NDST1: variants seen among roughly 807,000 people sequenced by gnomAD.
The protein encoded by NDST1 is N-deacetylase and N-sulfotransferase 1.
NDST1 carries 35 observed loss-of-function variants against 92.8 expected under a neutral mutation model. That is an observed-to-expected ratio of 0.38 (90% CI 0.29 to 0.50). The LOEUF is 0.50. Ranked by LOEUF, NDST1 falls within the 20% of genes least tolerant of loss-of-function variation. The probability of loss-of-function intolerance (pLI) is 0.94; values close to 1 mark genes in which losing one functional copy is unlikely to be tolerated. For synonymous variants in NDST1, 493 were observed against 500.3 expected, an observed-to-expected ratio of 0.99 and a Z score of 0.19; for missense variants, 822 against 1,182.7, an observed-to-expected ratio of 0.69 and a Z score of 4.47.
In NDST1 at chr5:150,554,364, G is replaced by GTA. The variant is rs927602216; in HGVS notation, c.*1044_*1045dup. 101 of 149,978 alleles carry GTA rather than the reference G, an allele frequency of 6.7e-4. 4 individuals carry two copies. In the South Asian group the frequency reaches 0.017, roughly 26 times the overall value. 9.3% of individuals were successfully genotyped at this position (149,978 alleles called of 1,614,324 possible). On this transcript the variant is annotated 3_prime_UTR_variant, in exon 15 of 15. Coordinates refer to ENST00000261797, the MANE Select transcript of NDST1 (RefSeq NM_001543.5). ...ATATATATATATATATATATAATGT[G>GTA]TATATATATATATTCTATTTTTTTT...
At chr5:150,503,711 C>T (rs563355483), upstream of NDST1, among the ~76,000 whole-genome samples, 10 of 152,268 alleles carry the variant, frequency 6.6e-5, no homozygotes, top group East Asian at 3.9e-4. Flanking sequence ...GTGAGAGCTG[C>T]GGGCCGGCCC....
Position 150,553,916 on chromosome 5 carries a change from C to T in NDST1, c.*584C>T, listed in dbSNP as rs1755816592. The T allele has an allele frequency of 2.4e-6, 1 of 425,264 alleles. No homozygotes were observed. The highest frequency in any genetic ancestry group is 2.0e-5 in the African/African-American group (1 of 50,178). The allele number at this position is 425,264 out of a possible 1,614,324, so 26.3% of individuals were successfully genotyped here. On this transcript the variant is annotated 3_prime_UTR_variant, in exon 15 of 15. Coordinates refer to ENST00000261797, the MANE Select transcript of NDST1 (RefSeq NM_001543.5). This position sits in a 1 kb window ranked among gnomAD's most constrained non-coding sequence, Gnocchi z 4.2. Reference sequence around the variant, plus strand: ...TACCTTCACATCTCACCCTCCCGTTCTGGGGAAGAATTTCTGGTTCCTACA... The same window carrying T: ...TACCTTCACATCTCACCCTCCCGTTTTGGGGAAGAATTTCTGGTTCCTACA...
intron 1 of NDST1, among the ~76,000 whole-genome samples, chr5:150,508,954 G>A (rs12654214): frequency 0.041 from 6,212 of 152,182 alleles, 436 homozygotes; most frequent in Admixed American, 0.17. Context: ...ACTCACAGGC[G>A]GCAATGGAGG....
intron 5 of NDST1, 81 bp from the exon 6 acceptor site, chr5:150,535,619 T>C (rs564985468): frequency 2.6e-6 from 4 of 1,529,176 alleles, no homozygotes; most frequent in East Asian, 4.5e-5. Flanking sequence ...CTGATTTCTC[T>C]CTCCCATTCT....
chr5:150,549,921 C>G, intron 13 of NDST1, 134 bp downstream of exon 13: 1 of 701,482 alleles, frequency 1.4e-6, no homozygotes, highest in Non-Finnish European at 2.6e-6. Context: ...ATTAATATGA[C>G]TTAAGTCATA....
intron 3 of NDST1, among the ~76,000 whole-genome samples, chr5:150,530,978 A>G (rs1205326763): frequency 6.6e-6 from 1 of 152,146 alleles, no homozygotes; most frequent in Non-Finnish European, 1.5e-5. Context: ...ACCCTCTTTC[A>G]CACACTCAGC....
rs574913755 is a variant in NDST1 at position 150,524,467 on chromosome 5, T to C, written c.513+2700T>C. Among the ~76,000 whole-genome samples the C allele has an allele frequency of 1.0e-3, 157 of 152,364 alleles. 1 individual carries two copies. The highest frequency in any genetic ancestry group is 3.7e-3 in the African/African-American group (152 of 41,594). The stretch of plus-strand genomic sequence containing the variant: ...CGTGCCTCAACCTTGAAATTCCAGG[T>C]GACCTGGGGCTAAACACACCCTGGC... On this transcript the variant is annotated intron_variant, in intron 2 of 14. Coordinates refer to ENST00000261797, the MANE Select transcript of NDST1 (RefSeq NM_001543.5).
chr5:150,553,946 C>A lies in NDST1; in HGVS notation c.*614C>A. The A allele has an allele frequency of 2.4e-6, 1 of 417,352 alleles. No homozygotes were observed. 25.9% of individuals were successfully genotyped at this position (417,352 alleles called of 1,614,324 possible). Reference sequence around the variant, plus strand: ...GAAGAATTTCTGGTTCCTACAGTATCCACTCCATCCTCAAGGCTTCCCGCA... The same window carrying A: ...GAAGAATTTCTGGTTCCTACAGTATACACTCCATCCTCAAGGCTTCCCGCA... On this transcript the variant is annotated 3_prime_UTR_variant, in exon 15 of 15. Coordinates refer to ENST00000261797, the MANE Select transcript of NDST1 (RefSeq NM_001543.5). The surrounding 1 kb of genome is among the most constrained non-coding windows in gnomAD (Gnocchi z 4.2).
chr5:150,536,087 T>G (rs1275998468), intron 6 of NDST1, among the ~76,000 whole-genome samples: 1 of 152,256 alleles, frequency 6.6e-6, no homozygotes, highest in African/African-American at 2.4e-5. Context: ...ATGAGCTCTT[T>G]CTTAGCTTTT....
Position 150,540,094 on chromosome 5 carries a change from A to G in NDST1, c.1579A>G (p.Met527Val). The change falls in exon 8 of 15, where the codon ATG becomes GTG. Residue 527 changes from methionine to valine, a missense_variant. Coordinates refer to ENST00000261797, the MANE Select transcript of NDST1 (RefSeq NM_001543.5). Reference protein sequence around the residue: ...TVLLNPISIFMTHLSNYGNDR... With the variant: ...TVLLNPISIFVTHLSNYGNDR... ...TCCCCTGGAGCAGATCAGCATCTTC[A>G]TGACGCACCTGTCCAACTATGGGAA... The G allele has an allele frequency of 6.2e-7, 1 of 1,614,140 alleles. No homozygotes were observed. The highest frequency in any genetic ancestry group is 8.5e-7 in the Non-Finnish European group (1 of 1,180,028).
chr5:150,499,093 T>C (rs1188299687), intron 1 of NDST1, among the ~76,000 whole-genome samples: 6 of 152,248 alleles, frequency 3.9e-5, no homozygotes, highest in Non-Finnish European at 7.3e-5. Context: ...GCAGGGAAGT[T>C]GGCCTCTACT....
chr5:150,540,342 A>T (rs1433511175), intron 8 of NDST1, 78 bp downstream of exon 8: 7 of 1,441,188 alleles, frequency 4.9e-6, no homozygotes, highest in African/African-American at 1.4e-5. Flanking sequence ...CCAGATATGG[A>T]CTCAAGGCTC....
At chr5:150,506,679 C>T (rs1753472900), upstream of NDST1, among the ~76,000 whole-genome samples, 1 of 152,122 alleles carries the variant, frequency 6.6e-6, no homozygotes, top group African/African-American at 2.4e-5. Flanking sequence ...CCACTTGCCC[C>T]CACCTCTCCC....
chr5:150,519,527 G>A (rs931159369), intron 1 of NDST1, among the ~76,000 whole-genome samples: 2 of 152,108 alleles, frequency 1.3e-5, no homozygotes, highest in African/African-American at 2.4e-5. Context: ...GATCAACATG[G>A]AGAAACCCCA....
chr5:150,532,827 T>G, intron 3 of NDST1, 118 bp from the exon 4 acceptor site: 11 of 983,270 alleles, frequency 1.1e-5, no homozygotes, highest in Non-Finnish European at 1.8e-5. Context: ...ACGCCGTCCT[T>G]GACATTCTTT....
At chr5:150,506,472 G>A (rs1443949020), upstream of NDST1, among the ~76,000 whole-genome samples, 1 of 152,152 alleles carries the variant, frequency 6.6e-6, no homozygotes, top group East Asian at 1.9e-4. Context: ...AGTCCTGGGT[G>A]AGTTCCTGAT....
At chr5:150,505,991 G>A (rs1373205990), upstream of NDST1, among the ~76,000 whole-genome samples, 3 of 152,126 alleles carry the variant, frequency 2.0e-5, no homozygotes, top group African/African-American at 7.2e-5. Flanking sequence ...AGAAAGGAGT[G>A]GTACTTGCCT....
intron 1 of NDST1, among the ~76,000 whole-genome samples, chr5:150,516,275 CTCTCAAGA>C (rs1753961496): frequency 1.3e-5 from 2 of 152,358 alleles, no homozygotes; most frequent in African/African-American, 2.4e-5. Flanking sequence ...GGCTGTCAGA[CTCTCAAGA>C]GAGGGATGAG....
intron 13 of NDST1, among the ~76,000 whole-genome samples, chr5:150,551,252 T>C (rs1755711766): frequency 6.6e-6 from 1 of 152,170 alleles, no homozygotes; most frequent in Admixed American, 6.5e-5. Context: ...AAAAATGAAA[T>C]TCTCCAGTGA....
Sources: gnomAD v4.1 joint callset for allele counts (sites outside exome capture counted in the v4.1 genomes callset) on GRCh38, gnomAD v4.1.1 for gene constraint, Gnocchi (gnomAD v3.1) non-coding constraint, MANE v1.5 for transcripts, NCBI Gene and HGNC (gene_info 2026-07-23, HGNC 2026-07-21) for gene names.